Variants in ABI2 observed in about 807,000 individuals in gnomAD.
The protein encoded by ABI2 is abelson interactor 2.
A neutral mutation model predicts 59.2 loss-of-function variants in ABI2; 25 were observed. The observed-to-expected ratio is 0.42, with a 90% CI of 0.31 to 0.59. The LOEUF (loss-of-function observed/expected upper bound fraction) is 0.59, where lower values mean the gene tolerates loss of function less well. ABI2 is among the 20% of genes least tolerant of loss of function. The pLI, the probability that ABI2 is intolerant of heterozygous loss-of-function variation, is 0.14. For synonymous variants in ABI2, 213 were observed against 235.5 expected (o/e 0.90, Z 0.87); for missense variants, 545 against 681.8 (o/e 0.80, Z 2.23).
chr2:203,349,411 T>C (rs2086148661), intron 1 of ABI2, among the ~76,000 whole-genome samples: 1 of 152,126 alleles, frequency 6.6e-6, no homozygotes, highest in African/African-American at 2.4e-5. Context: ...TGATATCCTT[T>C]CTTCTTTTTT....
At chr2:203,408,378 G>A (rs1257119944) in intron 9 of ABI2, among the ~76,000 whole-genome samples, 1 of 151,576 alleles carries the variant, frequency 6.6e-6, no homozygotes, top group East Asian at 1.9e-4. Flanking sequence ...GGCCAGGCTG[G>A]TCTTGAACTC....
intron 11 of ABI2, among the ~76,000 whole-genome samples, chr2:203,419,106 C>CTTTTT (rs748788810): frequency 1.6e-5 from 2 of 126,308 alleles, no homozygotes; most frequent in Non-Finnish European, 3.3e-5. Context: ...AATTAAAGAT[C>CTTTTT]TTTTTTTTTT....
intron 1 of ABI2, among the ~76,000 whole-genome samples, chr2:203,355,996 G>A (rs569832547): frequency 2.0e-5 from 3 of 152,082 alleles, no homozygotes; most frequent in East Asian, 1.9e-4. Flanking sequence ...AGCTTTTGTT[G>A]TTGCCTTTGA....
At chr2:203,363,200 G>A (rs2093782186) in intron 1 of ABI2, among the ~76,000 whole-genome samples, 1 of 151,992 alleles carries the variant, frequency 6.6e-6, no homozygotes, top group African/African-American at 2.4e-5. Context: ...ATATATTTAT[G>A]GGTTACCTGA....
intron 10 of ABI2, among the ~76,000 whole-genome samples, chr2:203,414,679 T>C (rs1054008778): frequency 3.3e-5 from 5 of 152,364 alleles, no homozygotes; most frequent in Admixed American, 3.3e-4. Flanking sequence ...AGTTAATGTT[T>C]GTTGAATAAA....
At chr2:203,347,450 C>T (rs1431534159) in intron 1 of ABI2, among the ~76,000 whole-genome samples, 1 of 152,142 alleles carries the variant, frequency 6.6e-6, no homozygotes, top group African/African-American at 2.4e-5. Flanking sequence ...GGACATAAGA[C>T]CATTACACGA....
intron 1 of ABI2, among the ~76,000 whole-genome samples, chr2:203,361,806 CTT>C (rs2093556066): frequency 6.6e-6 from 1 of 152,144 alleles, no homozygotes; most frequent in African/African-American, 2.4e-5. Flanking sequence ...TGTCCTGTGT[CTT>C]ATAGTGTCAT....
chr2:203,411,168 A>C, intron 9 of ABI2, 117 bp from the exon 10 acceptor site: 1 of 822,018 alleles, frequency 1.2e-6, no homozygotes, highest in Admixed American at 2.0e-5. Context: ...GATCACTGAT[A>C]AAATGTTTGT....
chr2:203,354,589 G>T (rs1428901073), intron 1 of ABI2, among the ~76,000 whole-genome samples: 1 of 152,212 alleles, frequency 6.6e-6, no homozygotes, highest in Non-Finnish European at 1.5e-5. Context: ...TGTGGCAAAA[G>T]ATGTGAGACT....
chr2:203,400,145 A>G (rs1348373646), intron 8 of ABI2, among the ~76,000 whole-genome samples: 1 of 121,734 alleles, frequency 8.2e-6, no homozygotes, highest in Non-Finnish European at 1.6e-5. Context: ...GCTGGAATAC[A>G]GTGGCAATCT....
chr2:203,395,185 T>G (rs970787752), intron 6 of ABI2: 14 of 689,228 alleles, frequency 2.0e-5, no homozygotes, highest in African/African-American at 5.3e-5. Context: ...AACATTAATA[T>G]GGGATAGTAC....
At position 203,396,009 on chromosome 2, in the gene ABI2, T is replaced by TTTCA. The variant is rs2096966460; in HGVS notation, c.850+230_850+233dup. 2.0e-5 allele frequency among the ~76,000 whole-genome samples: 3 copies of TTTCA among 152,188 alleles called. No individual in the cohort carries two copies. In the South Asian group the frequency reaches 6.2e-4, roughly 32 times the overall value. On this transcript the variant is annotated intron_variant, in intron 7 of 11. Coordinates refer to ENST00000261018, the MANE Select transcript of ABI2 (RefSeq NM_001375670.1). The stretch of plus-strand genomic sequence containing the variant: ...ATGTGGCTCAGTTGCTGCTTTGAGG[T>TTTCA]TTCAGATCACACTTTGTTATGAGTA...
At chr2:203,392,320 A>C (rs5028343) in intron 5 of ABI2, among the ~76,000 whole-genome samples, 31,159 of 93,044 alleles carry the variant, frequency 0.33, 4,480 homozygotes, top group Middle Eastern at 0.45. Context: ...ACCACCAACA[A>C]CAACAACAAC....
intron 5 of ABI2, among the ~76,000 whole-genome samples, chr2:203,393,374 GC>G (rs561649655): frequency 3.7e-4 from 56 of 152,276 alleles, no homozygotes; most frequent in African/African-American, 1.3e-3. Context: ...CATTTTTATT[GC>G]CTGGGAAAAA....
chr2:203,404,985 A>G (rs539975788), intron 9 of ABI2, among the ~76,000 whole-genome samples: 17 of 152,362 alleles, frequency 1.1e-4, no homozygotes, highest in South Asian at 6.2e-4. Flanking sequence ...ACATACTTCA[A>G]TAGTTTCTTT....
At chr2:203,414,054 C>T (rs2097784414) in intron 10 of ABI2, among the ~76,000 whole-genome samples, 1 of 151,584 alleles carries the variant, frequency 6.6e-6, no homozygotes, top group Admixed American at 6.6e-5. Context: ...TGAATTTGGA[C>T]AGTTCTTTGA....
chr2:203,338,983 A>AAATATATAT lies in ABI2; in HGVS notation c.117+10353_117+10354insATATATATA, dbSNP rs2078182989. On this transcript the variant is annotated intron_variant, in intron 1 of 11. Transcript: ENST00000261018. ...ATATAAATATATATATATATATATA[A>AAATATATAT]ATATATATATATATATATATATATA... 1.5e-3 allele frequency among the ~76,000 whole-genome samples: 18 copies of AAATATATAT among 12,332 alleles called. 2 individuals carry two copies. Among genetic ancestry groups the AAATATATAT allele is most frequent in the African/African-American group, 4.5e-3 (17 of 3,806 alleles). The allele number at this position is 12,332 out of a possible 152,430, so 8.1% of individuals were successfully genotyped here.
intron 7 of ABI2, among the ~76,000 whole-genome samples, chr2:203,396,280 C>A (rs1426328140): frequency 2.0e-5 from 3 of 152,018 alleles, no homozygotes; most frequent in African/African-American, 7.2e-5. Flanking sequence ...AAACGTGACA[C>A]AAAATACATT....
intron 2 of ABI2, among the ~76,000 whole-genome samples, chr2:203,372,545 G>T (rs886255029): frequency 6.7e-6 from 1 of 148,838 alleles, no homozygotes; most frequent in African/African-American, 2.5e-5. Context: ...GGGGCGGCTG[G>T]CCGGGCGGGG....
Sources: gnomAD v4.1 joint callset for allele counts (sites outside exome capture counted in the v4.1 genomes callset) on GRCh38, gnomAD v4.1.1 for gene constraint, MANE v1.5 for transcripts, NCBI Gene and HGNC (gene_info 2026-07-23, HGNC 2026-07-21) for gene names.